Variants in ZFPM2 observed in about 807,000 individuals in gnomAD.
ZFPM2 encodes zinc finger protein ZFPM2.
A neutral mutation model predicts 98.6 loss-of-function variants in ZFPM2; 20 were observed. The observed-to-expected ratio is 0.20, with a 90% CI of 0.14 to 0.29. ZFPM2 has a LOEUF of 0.29. ZFPM2 is among the 10% of genes least tolerant of loss of function. The pLI is 1.00. For synonymous variants in ZFPM2, 518 were observed against 502.7 expected (o/e 1.03, Z -0.41); for missense variants, 1,310 against 1,388.6 (o/e 0.94, Z 0.90).
At chr8:105,733,427 GCC>G (rs1811992267) in intron 5 of ZFPM2, among the ~76,000 whole-genome samples, 1 of 151,808 alleles carries the variant, frequency 6.6e-6, no homozygotes, top group Admixed American at 6.6e-5. Flanking sequence ...TTTTTTACAA[GCC>G]TTATTTACCA....
intron 3 of ZFPM2, among the ~76,000 whole-genome samples, chr8:105,496,163 T>C (rs1813463404): frequency 6.6e-6 from 1 of 152,108 alleles, no homozygotes; most frequent in Non-Finnish European, 1.5e-5. Flanking sequence ...TTTACATTTA[T>C]TTATTTATTT....
intron 5 of ZFPM2, among the ~76,000 whole-genome samples, chr8:105,734,499 G>A (rs555955948): frequency 1.3e-5 from 2 of 152,050 alleles, no homozygotes; most frequent in African/African-American, 4.8e-5. Context: ...AGATGACAGT[G>A]AAGTATCCAC....
At chr8:105,562,283 C>G (rs1425194956) in intron 4 of ZFPM2, among the ~76,000 whole-genome samples, 1 of 151,772 alleles carries the variant, frequency 6.6e-6, no homozygotes, top group Non-Finnish European at 1.5e-5. Flanking sequence ...GCATTCCAGC[C>G]TGGGTGACAG....
chr8:105,368,468 G>A (rs1337730520), intron 1 of ZFPM2, among the ~76,000 whole-genome samples: 1 of 152,162 alleles, frequency 6.6e-6, no homozygotes, highest in East Asian at 1.9e-4. Flanking sequence ...TGAATTAGCT[G>A]TCATAGGCAT....
chr8:105,380,686 AT>A (rs1810843583), intron 1 of ZFPM2, among the ~76,000 whole-genome samples: 16 of 17,254 alleles, frequency 9.3e-4, no homozygotes, highest in South Asian at 1.5e-3. Flanking sequence ...TTATATATAT[AT>A]TATATATAAC....
intron 2 of ZFPM2, among the ~76,000 whole-genome samples, chr8:105,429,684 A>G (rs2130133906): frequency 6.8e-6 from 1 of 148,132 alleles, no homozygotes; most frequent in Middle Eastern, 3.5e-3. Flanking sequence ...CAATTCTACA[A>G]AAATGCAAAG....
At chr8:105,627,162 A>G (rs1188339866) in intron 4 of ZFPM2, among the ~76,000 whole-genome samples, 2 of 152,176 alleles carry the variant, frequency 1.3e-5, no homozygotes, top group South Asian at 4.1e-4. Flanking sequence ...TTGACTATAA[A>G]CATTTATTGA....
chr8:105,729,829 A>G (rs1554576873), intron 5 of ZFPM2, among the ~76,000 whole-genome samples: 1 of 151,416 alleles, frequency 6.6e-6, no homozygotes, highest in Non-Finnish European at 1.5e-5. Flanking sequence ...GTTTTTCATT[A>G]TGTGTCTACT....
At chr8:105,350,946 G>C (rs1812629567) in intron 1 of ZFPM2, among the ~76,000 whole-genome samples, 1 of 151,810 alleles carries the variant, frequency 6.6e-6, no homozygotes, top group Non-Finnish European at 1.5e-5. Flanking sequence ...AACTTGGGAG[G>C]CTGAGGTGGG....
At chr8:105,399,348 A>G (rs543631944) in intron 1 of ZFPM2, among the ~76,000 whole-genome samples, 2 of 152,178 alleles carry the variant, frequency 1.3e-5, no homozygotes, top group Non-Finnish European at 2.9e-5. Flanking sequence ...GTGGCTCAAA[A>G]TAGGGACACA....
At position 105,653,854 on chromosome 8, in the gene ZFPM2, CTTTTTTTTT is replaced by C. The variant is rs60218363; in HGVS notation, c.532+19522_532+19530del. 3.7e-3 allele frequency among the ~76,000 whole-genome samples: 132 copies of C among 35,270 alleles called. No individual in the cohort carries two copies. The East Asian group carries it at 0.088, about 23-fold the overall frequency. 23.1% of individuals were successfully genotyped at this position (35,270 alleles called of 152,430 possible). Reference sequence around the variant, plus strand: ...CTTTATACAACAGCTTGTGTGCTATCTTTTTTTTTTTTTTTTTTTTTTTTTTTTTTTTTG... The same window carrying C: ...CTTTATACAACAGCTTGTGTGCTATCTTTTTTTTTTTTTTTTTTTTTTTTG... On this transcript the variant is annotated intron_variant, in intron 5 of 7. Transcript: ENST00000407775.
chr8:105,528,259 A>T (rs1016210823), intron 3 of ZFPM2, among the ~76,000 whole-genome samples: 1 of 152,118 alleles, frequency 6.6e-6, no homozygotes, highest in Non-Finnish European at 1.5e-5. Context: ...ATTTCTAAAA[A>T]ACTCAAAAGG....
intron 5 of ZFPM2, among the ~76,000 whole-genome samples, chr8:105,668,832 G>T (rs1367952536): frequency 6.6e-6 from 1 of 152,108 alleles, no homozygotes; most frequent in East Asian, 1.9e-4. Flanking sequence ...TTTGGATCTA[G>T]CAGGATAATA....
chr8:105,330,210 C>G (rs1432421022), intron 1 of ZFPM2, among the ~76,000 whole-genome samples: 1 of 151,532 alleles, frequency 6.6e-6, no homozygotes, highest in African/African-American at 2.4e-5. Flanking sequence ...TTGATACTCT[C>G]TAGAAATCCT....
At chr8:105,649,865 G>T (rs544176352) in intron 5 of ZFPM2, among the ~76,000 whole-genome samples, 12 of 152,322 alleles carry the variant, frequency 7.9e-5, no homozygotes, top group Non-Finnish European at 1.5e-4. Flanking sequence ...GTCTCTGCCA[G>T]CCTTTGGTAT....
At chr8:105,763,031 CAT>C (rs1316800646) in intron 5 of ZFPM2, among the ~76,000 whole-genome samples, 1 of 148,602 alleles carries the variant, frequency 6.7e-6, no homozygotes, top group Non-Finnish European at 1.5e-5. Flanking sequence ...ATAAAAATAA[CAT>C]ATCAATCATG....
chr8:105,365,691 G>T (rs1810492192), intron 1 of ZFPM2, among the ~76,000 whole-genome samples: 1 of 152,102 alleles, frequency 6.6e-6, no homozygotes, highest in African/African-American at 2.4e-5. Flanking sequence ...CTTAGCGGGG[G>T]AGAAAAATGA....
chr8:105,780,929 G>A (rs1376915720), intron 5 of ZFPM2, among the ~76,000 whole-genome samples: 1 of 152,208 alleles, frequency 6.6e-6, no homozygotes, highest in Non-Finnish European at 1.5e-5. Context: ...TTTCAAAATG[G>A]ACGTCTTCTC....
At chr8:105,565,553 C>T (rs1229349955) in intron 4 of ZFPM2, among the ~76,000 whole-genome samples, 7 of 152,092 alleles carry the variant, frequency 4.6e-5, no homozygotes, top group Admixed American at 4.6e-4. Flanking sequence ...AATAACTAGC[C>T]TAAGGTCAAC....
Sources: gnomAD v4.1 joint callset for allele counts (sites outside exome capture counted in the v4.1 genomes callset) on GRCh38, gnomAD v4.1.1 for gene constraint, MANE v1.5 for transcripts, NCBI Gene and HGNC (gene_info 2026-07-23, HGNC 2026-07-21) for gene names.